ATP13A2: variants seen among roughly 807,000 people sequenced by gnomAD.
ATP13A2 encodes ATPase cation transporting 13A2, also known as polyamine-transporting ATPase 13A2.
Under a neutral mutation model 138.3 loss-of-function variants are expected in ATP13A2, and 83 were observed. The observed-to-expected ratio is 0.60, with a 90% CI of 0.50 to 0.72. ATP13A2 has a LOEUF of 0.72. Among genes scored for constraint, ATP13A2 ranks in the 30% least tolerant of loss-of-function variants. ATP13A2 has a pLI of 0.00. For synonymous variants in ATP13A2, 663 were observed against 699.0 expected, an observed-to-expected ratio of 0.95 and a Z score of 0.81; for missense variants, 1,402 against 1,606.4, an observed-to-expected ratio of 0.87 and a Z score of 2.17.
In ATP13A2 at chr1:16,986,701, C is replaced by T. The variant is rs533404016; in HGVS notation, c.3236-69G>A. On this transcript the variant is annotated intron_variant, in intron 27 of 28. Coordinates refer to ENST00000326735, the MANE Select transcript of ATP13A2 (RefSeq NM_022089.4). The surrounding 1 kb of genome is among the most constrained non-coding windows in gnomAD (Gnocchi z 6.9). Reference sequence around the variant, plus strand: ...GCACCCACAGACACACGTGTGCACGCCAGTCTTCCACTCGGCCGGCACCTC... The same window carrying T: ...GCACCCACAGACACACGTGTGCACGTCAGTCTTCCACTCGGCCGGCACCTC... The T allele has an allele frequency of 6.4e-7, 1 of 1,569,214 alleles. No individual in the cohort carries two copies. The highest frequency in any genetic ancestry group is 2.3e-5 in the East Asian group (1 of 42,654).
intron 11 of ATP13A2, 115 bp from the exon 12 acceptor site, chr1:16,997,290 G>C (rs1301754757): frequency 7.7e-7 from 1 of 1,299,886 alleles, no homozygotes; most frequent in Non-Finnish European, 1.1e-6. Flanking sequence ...TCTGTAACCA[G>C]GTGTGAACAA....
At chr1:16,994,910 C>A (rs1351448048) in intron 15 of ATP13A2, among the ~76,000 whole-genome samples, 1 of 152,154 alleles carries the variant, frequency 6.6e-6, no homozygotes, top group African/African-American at 2.4e-5. Context: ...GATCCACCCG[C>A]CTCGGCCTCC....
At chr1:16,998,956 T>C (rs1428160006) in intron 11 of ATP13A2, among the ~76,000 whole-genome samples, 1 of 152,022 alleles carries the variant, frequency 6.6e-6, no homozygotes, top group Non-Finnish European at 1.5e-5. Flanking sequence ...GTGGCTGCCC[T>C]GGGGAGGGGA....
intron 20 of ATP13A2, 129 bp downstream of exon 20, chr1:16,991,605 T>G: frequency 7.2e-7 from 1 of 1,379,590 alleles, no homozygotes; most frequent in Non-Finnish European, 1.0e-6. Context: ...CACGAAATGT[T>G]TAAAAAGGAC....
intron 11 of ATP13A2, among the ~76,000 whole-genome samples, chr1:16,997,412 A>AGCG (rs1169865927): frequency 4.5e-4 from 23 of 50,784 alleles, no homozygotes; most frequent in African/African-American, 2.5e-3. Context: ...CCCTGGAACC[A>AGCG]GCGGGGGGGG....
In ATP13A2 at chr1:17,011,721, G is replaced by A. The variant is rs1258976448; in HGVS notation, c.10+8C>T. 2.0e-6 allele frequency: 3 copies of A among 1,487,174 alleles called. No homozygotes were observed. The highest frequency in any genetic ancestry group is 2.2e-5 in the Admixed American group (1 of 45,200). The allele number at this position is 1,487,174 out of a possible 1,614,324, so 92.1% of individuals were successfully genotyped here. A position where few individuals can be genotyped will look rare whatever the true frequency, so the allele number is the denominator to read the frequency against. ...CGGGCTCGGGGCCGACCCGGACTCC[G>A]CACTCACCTGCGCTCATGCCGGCTC... On this transcript the variant is annotated splice_region_variant and intron_variant, in intron 1 of 28. Coordinates refer to ENST00000326735, the MANE Select transcript of ATP13A2 (RefSeq NM_022089.4). This position sits in a 1 kb window ranked among gnomAD's most constrained non-coding sequence, Gnocchi z 7.3.
Position 17,002,370 on chromosome 1 carries a change from G to A in ATP13A2, c.561C>T (p.Leu187=), listed in dbSNP as rs755624702. 8 of 1,612,980 alleles carry A rather than the reference G, an allele frequency of 5.0e-6. No individual in the cohort carries two copies. The South Asian group carries it at 7.7e-5, about 16-fold the overall frequency. The change falls in exon 7 of 29, where the codon CTC becomes CTT. Residue 187 remains leucine, a synonymous_variant. Transcript: ENST00000326735. ...CGTCACAAGAGCGGCCATGGTCCAG[G>A]AGGCTGGGGGTGGGTGCGAGGGGAC... ...ETQQAFYQVS[L]LDHGRSCDDV... is the part of the protein sequence containing the mutation.
chr1:16,993,822 G>C lies in ATP13A2; in HGVS notation c.1556C>G (p.Thr519Ser). Reference sequence around the variant, plus strand: ...CCCCATCACGTCTAAGCCGTCCTCAGTGAGGGTGCCCGTCTGTGGGAGACA... The same window carrying C: ...CCCCATCACGTCTAAGCCGTCCTCACTGAGGGTGCCCGTCTGTGGGAGACA... Reference protein sequence around the residue: ...LVCFDKTGTLTEDGLDVMGVV... With the variant: ...LVCFDKTGTLSEDGLDVMGVV... The change falls in exon 16 of 29, where the codon ACT becomes AGT. Residue 519 changes from threonine (T) to serine (S), a missense_variant. Transcript: ENST00000326735. The C allele has an allele frequency of 6.4e-7, 1 of 1,563,964 alleles. No homozygotes were observed. The highest frequency in any genetic ancestry group is 1.4e-5 in the African/African-American group (1 of 73,802).
At position 16,986,597 on chromosome 1, in the gene ATP13A2, C is replaced by T. The variant is rs541932176; in HGVS notation, c.3271G>A (p.Val1091Ile). The T allele has an allele frequency of 6.2e-6, 10 of 1,611,208 alleles. No individual in the cohort carries two copies. The East Asian group carries it at 6.7e-5, about 11-fold the overall frequency. Residue 1091 changes from valine to isoleucine, a missense_variant, in exon 28 of 29, where the codon GTC becomes ATC. Coordinates refer to ENST00000326735, the MANE Select transcript of ATP13A2 (RefSeq NM_022089.4). The surrounding 1 kb of genome is among the most constrained non-coding windows in gnomAD (Gnocchi z 6.9). The part of the protein sequence containing the change: ...FLVALALLSS[V>I]LVGLVLVPGL... ...GGGACCAGGACAAGGCCCACCAGGA[C>T]GGAGCTCAGGAGCGCCAGGGCCACC...
chr1:16,987,087 GC>G lies in ATP13A2; in HGVS notation c.3041del (p.Gly1014AlafsTer4). 2 of 1,613,468 alleles carry G rather than the reference GC, an allele frequency of 1.2e-6. No individual in the cohort carries two copies. Among genetic ancestry groups the G allele is most frequent in the Non-Finnish European group, 1.7e-6 (2 of 1,179,970 alleles). ...TCAGGAAGTAGCCCCCTAGCTGCAC[GC>G]CGGTCACCAGGACCATCTGCAGCAG... The part of the protein sequence containing the change: ...SLLLQMVLVT[G>X]VQLGGYFLTL... On this transcript the variant is annotated frameshift_variant, in exon 26 of 29. Transcript: ENST00000326735. LOFTEE classifies it high-confidence loss of function.
Position 16,992,275 on chromosome 1 carries a change from T to G in ATP13A2, c.1973A>C (p.Glu658Ala). Residue 658 changes from glutamate (E) to alanine (A), a missense_variant, in exon 18 of 29, where the codon GAG becomes GCG. Glu to Ala is a moderately radical substitution (Grantham distance 107). Coordinates refer to ENST00000326735, the MANE Select transcript of ATP13A2 (RefSeq NM_022089.4). ...QPEAYVKGSP[E>A]LVAGLCNPET... ...GGGGTTGCAGAGCCCTGCCACCAGCTCCGGGGAGCCTTTGACGTAGGCCTC... is the reference window on the plus strand; with the variant it reads ...GGGGTTGCAGAGCCCTGCCACCAGCGCCGGGGAGCCTTTGACGTAGGCCTC... The G allele has an allele frequency of 1.9e-6, 3 of 1,612,544 alleles. No homozygotes were observed. Among genetic ancestry groups the G allele is most frequent in the Non-Finnish European group, 2.5e-6 (3 of 1,179,918 alleles).
At position 17,011,612 on chromosome 1, in the gene ATP13A2, C is replaced by A; in HGVS notation, c.10+117G>T. ...AGGATCCCCAACCAGGTCCCGCTTC[C>A]TGGGCTCGCGACCCCGCGGTGGGGG... is the stretch of plus-strand genomic sequence containing the variant. On this transcript the variant is annotated intron_variant, in intron 1 of 28. Transcript: ENST00000326735. This position sits in a 1 kb window ranked among gnomAD's most constrained non-coding sequence, Gnocchi z 7.3. 1.5e-6 allele frequency: 2 copies of A among 1,318,574 alleles called. No individual in the cohort carries two copies. Among genetic ancestry groups the A allele is most frequent in the South Asian group, 3.2e-5 (2 of 63,032 alleles). 81.7% of individuals were successfully genotyped at this position (1,318,574 alleles called of 1,614,324 possible). A position where few individuals can be genotyped will look rare whatever the true frequency, so the allele number is the denominator to read the frequency against.
At position 16,995,823 on chromosome 1, in the gene ATP13A2, A is replaced by T. The variant is rs777888331; in HGVS notation, c.1542+153T>A. ...AGACCGTGAGCCCAGTGAGGGCAGGAGTGGGATGGGGTGGATCCTCTGGGG... is the reference window on the plus strand; with the variant it reads ...AGACCGTGAGCCCAGTGAGGGCAGGTGTGGGATGGGGTGGATCCTCTGGGG... On this transcript the variant is annotated intron_variant, in intron 15 of 28. Transcript: ENST00000326735. The surrounding 1 kb of genome is among the most constrained non-coding windows in gnomAD (Gnocchi z 4.1). The T allele has an allele frequency of 1.1e-6, 1 of 887,668 alleles. No homozygotes were observed. The highest frequency in any genetic ancestry group is 1.4e-5 in the South Asian group (1 of 70,388). 55.0% of individuals were successfully genotyped at this position (887,668 alleles called of 1,614,324 possible).
At chr1:16,997,878 G>A (rs1205534086) in intron 11 of ATP13A2, among the ~76,000 whole-genome samples, 2 of 149,550 alleles carry the variant, frequency 1.3e-5, no homozygotes, top group Non-Finnish European at 3.0e-5. Context: ...GGTAAGGAAG[G>A]GGAGGGGGAA....
rs148374514 is a variant in ATP13A2 at position 16,990,214 on chromosome 1, G to A, written c.2325C>T (p.Ile775=). ...GMVAPQEHLI[I]VHATHPERGQ... Reference sequence around the variant, plus strand: ...CCCGCTCAGGGTGGGTGGCGTGGACGATGATCAGATGCTCCTGGGGGGCCA... The same window carrying A: ...CCCGCTCAGGGTGGGTGGCGTGGACAATGATCAGATGCTCCTGGGGGGCCA... Residue 775 remains isoleucine, a synonymous_variant, in exon 21 of 29, where the codon ATC becomes ATT. Transcript: ENST00000326735. 2.1e-5 allele frequency: 34 copies of A among 1,613,868 alleles called. No homozygotes were observed. The highest frequency in any genetic ancestry group is 2.0e-4 in the African/African-American group (15 of 74,926).
rs1057519289 is a variant in ATP13A2, at chr1:16,986,346, G to A, written c.3418C>T (p.Gln1140Ter). Residue 1140 changes from glutamine (Q) to a stop codon, truncating the protein, a stop_gained, in exon 29 of 29, where the codon CAG becomes TAG. Transcript: ENST00000326735. LOFTEE classifies it high-confidence loss of function. This position sits in a 1 kb window ranked among gnomAD's most constrained non-coding sequence, Gnocchi z 6.9. ...GAFMLESVLD[Q>*]CLPACLRRLR... ...CGGCGCAGGCAGGCGGGGAGGCACT[G>A]GTCTAGCACGCTCTGCAAAGGGCAG... 1 of 1,578,410 alleles carries A rather than the reference G, an allele frequency of 6.3e-7. No homozygotes were observed. The highest frequency in any genetic ancestry group is 8.6e-7 in the Non-Finnish European group (1 of 1,164,550).
In ATP13A2 at chr1:16,995,152, A is replaced by T. The variant is rs1411112616; in HGVS notation, c.1542+824T>A. 2.0e-5 allele frequency among the ~76,000 whole-genome samples: 3 copies of T among 151,910 alleles called. No individual in the cohort carries two copies. Among genetic ancestry groups the T allele is most frequent in the African/African-American group, 7.3e-5 (3 of 41,336 alleles). ...GGTACATCTGTGCTATGACACTCCC[A>T]CCTTTTACCCTTGCTTCTCCTCGAC... On this transcript the variant is annotated intron_variant, in intron 15 of 28. Transcript: ENST00000326735. This position sits in a 1 kb window ranked among gnomAD's most constrained non-coding sequence, Gnocchi z 4.1.
chr1:17,007,067 C>T (rs937047454), intron 1 of ATP13A2, among the ~76,000 whole-genome samples: 1 of 151,956 alleles, frequency 6.6e-6, no homozygotes, highest in East Asian at 1.9e-4. Flanking sequence ...TCAGTAGAGA[C>T]GGGGTTTCAC....
intron 12 of ATP13A2, chr1:16,996,795 G>A (rs1479638483): frequency 1.2e-5 from 8 of 657,754 alleles, no homozygotes; most frequent in East Asian, 2.7e-5. Context: ...TAACCCCGGC[G>A]GCTCCTCCAG....
Sources: allele counts gnomAD v4.1 joint callset (sites outside exome capture counted in the v4.1 genomes callset), GRCh38; gene constraint gnomAD v4.1.1; non-coding constraint Gnocchi (gnomAD v3.1); transcripts MANE v1.5; gene names NCBI Gene and HGNC (gene_info 2026-07-23, HGNC 2026-07-21).